Variants in HK1 observed in about 807,000 individuals in gnomAD.
HK1 encodes hexokinase 1.
HK1 carries 28 observed loss-of-function variants against 91.6 expected under a neutral mutation model. The ratio of observed to expected loss-of-function variants is 0.31; its 90% confidence interval spans 0.23 to 0.42. HK1 has a LOEUF of 0.42. Among genes scored for constraint, HK1 ranks in the 10% least tolerant of loss-of-function variants. HK1 has a pLI of 1.00. For missense variants in HK1, 770 were observed against 1,219.8 expected (o/e 0.63, Z 5.49); for synonymous variants, 430 against 468.1 (o/e 0.92, Z 1.05).
chr10:69,395,127 T>A, intron 16 of HK1, 22 bp downstream of exon 16: 1 of 1,611,760 alleles, frequency 6.2e-7, no homozygotes, highest in South Asian at 1.1e-5. Flanking sequence ...GTGTCTTCCC[T>A]GCCAGCGCCC....
At position 69,384,717 on chromosome 10, in the gene HK1, G is replaced by T. The variant is rs150976961; in HGVS notation, c.1720-79G>T. 1,767 of 1,565,368 alleles carry T rather than the reference G, an allele frequency of 1.1e-3. 8 individuals are homozygous for T. The Middle Eastern group carries it at 0.02, about 18-fold the overall frequency. Reference sequence around the variant, plus strand: ...GGTGTGTTTTCCTACGTGTGTGTGTGTATACACACTTTGGTCCATGTGCAC... The same window carrying T: ...GGTGTGTTTTCCTACGTGTGTGTGTTTATACACACTTTGGTCCATGTGCAC... On this transcript the variant is annotated intron_variant, in intron 11 of 17. Coordinates refer to ENST00000359426, the MANE Select transcript of HK1 (RefSeq NM_000188.3).
At chr10:69,288,893 T>A (rs948552104) in intron 3 of HK1, 15 of 793,196 alleles carry the variant, frequency 1.9e-5, no homozygotes, top group Non-Finnish European at 3.0e-5. Context: ...TTCAAGCGAT[T>A]CTCCTGCCTC....
chr10:69,274,652 C>G (rs1050067292), intron 1 of HK1, among the ~76,000 whole-genome samples: 2 of 151,862 alleles, frequency 1.3e-5, no homozygotes, highest in African/African-American at 4.8e-5. Context: ...TATTACAGGC[C>G]CTTTTTTCAA....
chr10:69,377,223 T>C (rs1051007745), intron 8 of HK1, 134 bp downstream of exon 8: 8 of 1,024,188 alleles, frequency 7.8e-6, no homozygotes, highest in Non-Finnish European at 1.2e-5. Context: ...CCGTGTCCTC[T>C]CACTCTTAGT....
chr10:69,383,975 T>G (rs140340499), intron 10 of HK1, among the ~76,000 whole-genome samples: 278 of 152,354 alleles, frequency 1.8e-3, no homozygotes, highest in African/African-American at 6.5e-3. Context: ...CAAAGAAGGA[T>G]TTTGCACATG....
chr10:69,384,526 A>G (rs553108440), intron 11 of HK1, 45 bp downstream of exon 11: 2 of 1,612,620 alleles, frequency 1.2e-6, no homozygotes, highest in Admixed American at 3.3e-5. Flanking sequence ...ACACACGGCC[A>G]GTGGCACCGG....
At chr10:69,306,067 A>AT (rs773032372) in intron 5 of HK1, among the ~76,000 whole-genome samples, 1 of 151,906 alleles carries the variant, frequency 6.6e-6, no homozygotes, top group Non-Finnish European at 1.5e-5. Context: ...TTAAAGAGGA[A>AT]AGGGTGGGGC....
upstream of HK1, chr10:69,315,902 C>T (rs1417609354): frequency 6.3e-7 from 1 of 1,580,938 alleles, no homozygotes; most frequent in South Asian, 1.1e-5. Context: ...GATGGCCCAC[C>T]TGTGGCATCC....
At position 69,380,733 on chromosome 10, in the gene HK1, G is replaced by A. The variant is rs1315039416; in HGVS notation, c.1265+638G>A. 2.6e-5 allele frequency among the ~76,000 whole-genome samples: 4 copies of A among 152,194 alleles called. No homozygotes were observed. Among genetic ancestry groups the A allele is most frequent in the Admixed American group, 1.3e-4 (2 of 15,282 alleles). On this transcript the variant is annotated intron_variant, in intron 9 of 17. Transcript: ENST00000359426. The surrounding 1 kb of genome is among the most constrained non-coding windows in gnomAD (Gnocchi z 4.0). ...CCCCACACAGCCTTCTGGTCTGTCA[G>A]TGGCCCCAGCCAGTCCTCATGCCAT... is the stretch of plus-strand genomic sequence containing the variant.
At chr10:69,345,299 C>G (rs1848493907) in intron 2 of HK1, among the ~76,000 whole-genome samples, 1 of 152,190 alleles carries the variant, frequency 6.6e-6, no homozygotes, top group Non-Finnish European at 1.5e-5. Context: ...ATTACTAGCA[C>G]CTACTTCTAG....
chr10:69,352,075 C>G (rs1385489940), intron 2 of HK1, among the ~76,000 whole-genome samples: 1 of 151,874 alleles, frequency 6.6e-6, no homozygotes, highest in Non-Finnish European at 1.5e-5. Context: ...TCACTACAAC[C>G]TCCGCCTCCT....
At chr10:69,334,436 C>G (rs918177402) in intron 1 of HK1, among the ~76,000 whole-genome samples, 1 of 152,152 alleles carries the variant, frequency 6.6e-6, no homozygotes, top group African/African-American at 2.4e-5. Context: ...CCCTCTGTCC[C>G]TCTGGGCCTC....
At chr10:69,277,160 G>C (rs551987491) in intron 1 of HK1, among the ~76,000 whole-genome samples, 8 of 152,292 alleles carry the variant, frequency 5.3e-5, no homozygotes, top group Admixed American at 1.3e-4. Flanking sequence ...CCTTTCTTCT[G>C]TTCTTTAAAT....
chr10:69,385,967 G>A (rs1839610023), intron 12 of HK1, among the ~76,000 whole-genome samples: 1 of 152,178 alleles, frequency 6.6e-6, no homozygotes, highest in Non-Finnish European at 1.5e-5. Flanking sequence ...TATAGTGTCA[G>A]TAGACTCTTC....
intron 10 of HK1, 105 bp from the exon 11 acceptor site, chr10:69,384,228 G>C: frequency 1.5e-6 from 2 of 1,368,350 alleles, no homozygotes; most frequent in Non-Finnish European, 2.1e-6. Flanking sequence ...TCTCCTCTAT[G>C]TTTGCTATGG....
At chr10:69,381,544 ACCTTTTTTT>A (rs1839386590) in intron 9 of HK1, among the ~76,000 whole-genome samples, 1 of 134,018 alleles carries the variant, frequency 7.5e-6, no homozygotes, top group South Asian at 2.6e-4. Flanking sequence ...TATCATCTTA[ACCTTTTTTT>A]TTTTTTTTTT....
chr10:69,290,594 G>T (rs987269040), intron 3 of HK1, among the ~76,000 whole-genome samples: 1 of 152,140 alleles, frequency 6.6e-6, no homozygotes, highest in Non-Finnish European at 1.5e-5. Context: ...TGCCTCCCAG[G>T]TTCATGCAGT....
chr10:69,309,495 TAAAAAAAAAAAAAAA>T (rs1177161842), intron 5 of HK1, among the ~76,000 whole-genome samples: 1 of 46,952 alleles, frequency 2.1e-5, no homozygotes, highest in Non-Finnish European at 3.5e-5. Context: ...TTTGTCTCAT[TAAAAAAAAAAAAAAA>T]AAAAAAAAAA....
At chr10:69,342,161 A>AC (rs1848323078) in intron 1 of HK1, among the ~76,000 whole-genome samples, 2 of 123,468 alleles carry the variant, frequency 1.6e-5, no homozygotes, top group Admixed American at 1.8e-4. Flanking sequence ...AACCAACCCC[A>AC]AAAACAAACA....
Sources: allele counts gnomAD v4.1 joint callset (sites outside exome capture counted in the v4.1 genomes callset), GRCh38; gene constraint gnomAD v4.1.1; non-coding constraint Gnocchi (gnomAD v3.1); transcripts MANE v1.5; gene names NCBI Gene and HGNC (gene_info 2026-07-23, HGNC 2026-07-21).